TBC1D10B: variants seen among roughly 807,000 people sequenced by gnomAD.
TBC1D10B encodes the protein Rab27A-GAPbeta.
A neutral mutation model predicts 78.4 loss-of-function variants in TBC1D10B; 25 were observed. The observed-to-expected ratio is 0.32, with a 90% CI of 0.23 to 0.45. TBC1D10B has a LOEUF of 0.45. Ranked by LOEUF, TBC1D10B falls within the 20% of genes least tolerant of loss-of-function variation. The pLI is 1.00. For missense variants in TBC1D10B, 996 were observed against 1,104.8 expected (o/e 0.90, Z 1.40); for synonymous variants, 517 against 478.0 (o/e 1.08, Z -1.06).
At chr16:30,359,463 G>C in intron 6 of TBC1D10B, 75 bp downstream of exon 6, 1 of 1,548,478 alleles carries the variant, frequency 6.5e-7, no homozygotes, top group Admixed American at 2.0e-5. Flanking sequence ...GGCCAGGGTG[G>C]GGCAAGGCAA....
intron 7 of TBC1D10B, 112 bp from the exon 8 acceptor site, chr16:30,358,929 G>C: frequency 7.4e-7 from 1 of 1,358,086 alleles, no homozygotes; most frequent in African/African-American, 1.5e-5. Context: ...TCTCAGATGA[G>C]GAAACTGAGG....
In TBC1D10B at chr16:30,369,896, G is replaced by C. The variant is rs2049672268; in HGVS notation, c.288C>G (p.Ala96=). 2 of 1,389,986 alleles carry C rather than the reference G, an allele frequency of 1.4e-6. No homozygotes were observed. Among genetic ancestry groups the C allele is most frequent in the South Asian group, 1.6e-5 (1 of 60,626 alleles). The allele number at this position is 1,389,986 out of a possible 1,614,324, so 86.1% of individuals were successfully genotyped here. A position where few individuals can be genotyped will look rare whatever the true frequency, so the allele number is the denominator to read the frequency against. The change falls in exon 1 of 9, where the codon GCC becomes GCG. Residue 96 remains alanine (A), a synonymous_variant. Transcript: ENST00000409939. This position sits in a 1 kb window ranked among gnomAD's most constrained non-coding sequence, Gnocchi z 4.3. ...GSTVVVLTLE[A]SPEAPKPQLP... Reference sequence around the variant, plus strand: ...GCTGCGGCTTTGGGGCTTCGGGCGAGGCCTCCAGGGTCAGCACCACCACCG... The same window carrying C: ...GCTGCGGCTTTGGGGCTTCGGGCGACGCCTCCAGGGTCAGCACCACCACCG...
chr16:30,366,545 G>A (rs767236208), intron 1 of TBC1D10B: 4 of 151,946 alleles, frequency 2.6e-5, no homozygotes, highest in Non-Finnish European at 5.9e-5. Context: ...CAGAACAAAT[G>A]TACTTCTGTC....
At chr16:30,367,288 A>G (rs1055113988) in intron 1 of TBC1D10B, 4 of 152,178 alleles carry the variant, frequency 2.6e-5, no homozygotes, top group Admixed American at 1.3e-4. Flanking sequence ...GCATATAAAC[A>G]TCTGTTAAAT....
Position 30,358,028 on chromosome 16 carries a change from C to G in TBC1D10B, c.2343G>C (p.Leu781=). 2 of 1,551,880 alleles carry G rather than the reference C, an allele frequency of 1.3e-6. No individual in the cohort carries two copies. The highest frequency in any genetic ancestry group is 2.4e-5 in the East Asian group (1 of 40,924). ...CTGGGGGCCCATCTGCCTTTCGACG[C>G]AGCGAAAGCTTCCGGCCTTGAGCCT... The part of the protein sequence containing the change: ...EKKAQGRKLS[L]RRKADGPPGP... Residue 781 remains leucine (L), a synonymous_variant, in exon 9 of 9, where the codon CTG becomes CTC. Transcript: ENST00000409939.
chr16:30,365,319 C>T lies in TBC1D10B; in HGVS notation c.1057-107G>A. ...GGATACTCCTCCGACATCCCATAGG[C>T]TTGATTCCACTGGACCTGGCCTGGA... On this transcript the variant is annotated intron_variant, in intron 2 of 8. Coordinates refer to ENST00000409939, the MANE Select transcript of TBC1D10B (RefSeq NM_015527.4). This position sits in a 1 kb window ranked among gnomAD's most constrained non-coding sequence, Gnocchi z 5.0. 2 of 1,229,676 alleles carry T rather than the reference C, an allele frequency of 1.6e-6. No individual in the cohort carries two copies. The highest frequency in any genetic ancestry group is 2.3e-6 in the Non-Finnish European group (2 of 851,882). The allele number at this position is 1,229,676 out of a possible 1,614,324, so 76.2% of individuals were successfully genotyped here.
At position 30,358,133 on chromosome 16, in the gene TBC1D10B, C is replaced by T. The variant is rs569691244; in HGVS notation, c.2238G>A (p.Arg746=). ...QKQEKEREKE[R]QKQEKEREKQ... ...TCTCTCGCTCTTTCTCCTGCTTCTG[C>T]CGCTCCTTCTCCCGCTCCTTCTCCT... Residue 746 remains arginine, a synonymous_variant, in exon 9 of 9, where the codon CGG becomes CGA. Transcript: ENST00000409939. The T allele has an allele frequency of 1.3e-6, 2 of 1,550,956 alleles. No individual in the cohort carries two copies. The highest frequency in any genetic ancestry group is 8.7e-7 in the Non-Finnish European group (1 of 1,146,312).
At chr16:30,360,998 C>A (rs1567412479) in intron 4 of TBC1D10B, among the ~76,000 whole-genome samples, 1 of 152,078 alleles carries the variant, frequency 6.6e-6, no homozygotes, top group East Asian at 1.9e-4. Flanking sequence ...AAAAAAAAGT[C>A]TCTTCACCAG....
At position 30,358,226 on chromosome 16, in the gene TBC1D10B, C is replaced by G; in HGVS notation, c.2145G>C (p.Leu715Phe). ...LPSPTGNSTPLGSSKETRKQE... is the reference protein window; with the variant it reads ...LPSPTGNSTPFGSSKETRKQE... The stretch of plus-strand genomic sequence containing the variant: ...GCTTCCGGGTCTCCTTGCTGGAACC[C>G]AAGGGGGTGCTATTGCCAGTGGGTG... The change falls in exon 9 of 9, where the codon TTG (leucine) becomes TTC (phenylalanine). Residue 715 changes from leucine (L) to phenylalanine (F), a missense_variant. Around this residue, in one of 5 missense-constraint regions of TBC1D10B, gnomAD observed 285 missense variants for 252.5 expected, o/e 1.13. Coordinates refer to ENST00000409939, the MANE Select transcript of TBC1D10B (RefSeq NM_015527.4). 1 of 1,555,270 alleles carries G rather than the reference C, an allele frequency of 6.4e-7. No homozygotes were observed. Among genetic ancestry groups the G allele is most frequent in the African/African-American group, 1.4e-5 (1 of 73,364 alleles).
chr16:30,369,194 G>A lies in TBC1D10B; in HGVS notation c.956+34C>T, dbSNP rs749437880. ...GCCCTCCCCCAACCTTTGCTTCCCCGAGGCGGTCCCGCTGGGTGCCCACTG... is the reference window on the plus strand; with the variant it reads ...GCCCTCCCCCAACCTTTGCTTCCCCAAGGCGGTCCCGCTGGGTGCCCACTG... On this transcript the variant is annotated intron_variant, in intron 1 of 8. Coordinates refer to ENST00000409939, the MANE Select transcript of TBC1D10B (RefSeq NM_015527.4). This position sits in a 1 kb window ranked among gnomAD's most constrained non-coding sequence, Gnocchi z 4.3. The A allele has an allele frequency of 3.9e-6, 6 of 1,526,804 alleles. No homozygotes were observed. Among genetic ancestry groups the A allele is most frequent in the African/African-American group, 1.4e-5 (1 of 72,338 alleles). The allele number at this position is 1,526,804 out of a possible 1,614,324, so 94.6% of individuals were successfully genotyped here.
chr16:30,358,089 T>G lies in TBC1D10B; in HGVS notation c.2282A>C (p.Glu761Ala). The G allele has an allele frequency of 6.5e-7, 1 of 1,550,228 alleles. No individual in the cohort carries two copies. The highest frequency in any genetic ancestry group is 1.2e-5 in the South Asian group (1 of 83,872). ...KEREKQEKER[E>A]KQEKERQKQE... is the part of the protein sequence containing the mutation. ...CTTCTGCCGCTCCTTCTCCTGCTTC[T>G]CTCGCTCCTTTTCCTGCTTCTCTCG... The change falls in exon 9 of 9, where the codon GAG (glutamate) becomes GCG (alanine). Residue 761 changes from glutamate (E) to alanine (A), a missense_variant. Around this residue, in one of 5 missense-constraint regions of TBC1D10B, gnomAD observed 285 missense variants for 252.5 expected, o/e 1.13. Coordinates refer to ENST00000409939, the MANE Select transcript of TBC1D10B (RefSeq NM_015527.4).
At chr16:30,368,515 C>G (rs563677162) in intron 1 of TBC1D10B, among the ~76,000 whole-genome samples, 3 of 152,136 alleles carry the variant, frequency 2.0e-5, no homozygotes, top group Admixed American at 2.0e-4. Flanking sequence ...GGGCAGGATC[C>G]AGAGAGGGGG....
At chr16:30,363,766 G>A (rs2049614196) in intron 4 of TBC1D10B, among the ~76,000 whole-genome samples, 1 of 152,150 alleles carries the variant, frequency 6.6e-6, no homozygotes, top group African/African-American at 2.4e-5. Context: ...ACTAGACAGT[G>A]CCTGGTAGAT....
intron 4 of TBC1D10B, among the ~76,000 whole-genome samples, chr16:30,363,091 C>G (rs1022195718): frequency 1.3e-5 from 2 of 152,136 alleles, no homozygotes; most frequent in African/African-American, 4.8e-5. Context: ...ATATGCCCCC[C>G]ACAGCTACCT....
At chr16:30,367,268 T>C (rs74826977) in intron 1 of TBC1D10B, 1,712 of 152,256 alleles carry the variant, frequency 0.011, 7 homozygotes, top group Middle Eastern at 0.051. Context: ...GAGAAGACTA[T>C]TGAGAAACTG....
At chr16:30,366,375 C>T (rs1197679954) in intron 1 of TBC1D10B, 2 of 152,034 alleles carry the variant, frequency 1.3e-5, no homozygotes, top group Non-Finnish European at 2.9e-5. Flanking sequence ...CATGGTGGCA[C>T]GTGCTTGAAA....
At chr16:30,364,838 G>C (rs1259923738) in intron 4 of TBC1D10B, 62 bp downstream of exon 4, 2 of 1,463,392 alleles carry the variant, frequency 1.4e-6, no homozygotes, top group Admixed American at 4.0e-5. Context: ...TATCCACCTA[G>C]CTAAAAGGTG....
At position 30,359,837 on chromosome 16, in the gene TBC1D10B, G is replaced by A; in HGVS notation, c.1276C>T (p.Gln426Ter). ...MFAARGGHGQ[Q>*]DLYRILKAYT... ...GCCTTCAGGATTCGGTACAGGTCCT[G>A]TTGCCTGTGGGGGTTGGGGAAGACT... The change falls in exon 5 of 9, where the codon CAG becomes TAG. Residue 426 changes from glutamine to a stop codon, truncating the protein, a stop_gained. Transcript: ENST00000409939. LOFTEE classifies it high-confidence loss of function. 1 of 1,559,858 alleles carries A rather than the reference G, an allele frequency of 6.4e-7. No individual in the cohort carries two copies. The highest frequency in any genetic ancestry group is 2.4e-5 in the East Asian group (1 of 41,700).
Position 30,358,495 on chromosome 16 carries a change from C to A in TBC1D10B, c.1876G>T (p.Gly626Trp). ...AQLKKWRETR[G>W]ELQYRPSRRL... is the part of the protein sequence containing the mutation. ...CGTGAGGGCCGATACTGCAGCTCCC[C>A]CCGCGTTTCCCGCCACTTCTTGAGC... The change falls in exon 9 of 9, where the codon GGG (glycine) becomes TGG (tryptophan). Residue 626 changes from glycine (G) to tryptophan (W), a missense_variant. This residue lies in a region of TBC1D10B where 285 missense variants were observed against 252.5 expected (regional missense o/e 1.13). Transcript: ENST00000409939. 1 of 1,604,120 alleles carries A rather than the reference C, an allele frequency of 6.2e-7. No homozygotes were observed. The highest frequency in any genetic ancestry group is 8.5e-7 in the Non-Finnish European group (1 of 1,175,334).
Sources: gnomAD v4.1 joint callset for allele counts (sites outside exome capture counted in the v4.1 genomes callset) on GRCh38, gnomAD v4.1.1 for gene constraint, gnomAD v4.1.1 regional missense constraint, Gnocchi (gnomAD v3.1) non-coding constraint, MANE v1.5 for transcripts, NCBI Gene and HGNC (gene_info 2026-07-23, HGNC 2026-07-21) for gene names.